DNER: variants seen among roughly 807,000 people sequenced by gnomAD.
DNER encodes delta/notch like EGF repeat containing, also known as delta and Notch-like epidermal growth factor-related receptor.
Under a neutral mutation model 78.2 loss-of-function variants are expected in DNER, and 33 were observed. The observed-to-expected ratio is 0.42, with a 90% CI of 0.32 to 0.56. The LOEUF (loss-of-function observed/expected upper bound fraction) is 0.56, where lower values mean the gene tolerates loss of function less well. Ranked by LOEUF, DNER falls within the 20% of genes least tolerant of loss-of-function variation. The pLI is 0.11. For missense variants in DNER, 918 were observed against 975.3 expected (o/e 0.94, Z 0.78); for synonymous variants, 417 against 384.8 (o/e 1.08, Z -0.98).
chr2:229,480,433 CAT>C, intron 6 of DNER, among the ~76,000 whole-genome samples: 1 of 152,200 alleles, frequency 6.6e-6, no homozygotes, highest in Non-Finnish European at 1.5e-5. Flanking sequence ...CACTTTAAAA[CAT>C]ATTTATTTAT....
At chr2:229,620,051 C>T (rs963557822) in intron 1 of DNER, among the ~76,000 whole-genome samples, 1 of 151,838 alleles carries the variant, frequency 6.6e-6, no homozygotes, top group Non-Finnish European at 1.5e-5. Flanking sequence ...TTTCTTCGCA[C>T]TTGAGAAAGC....
intron 1 of DNER, among the ~76,000 whole-genome samples, chr2:229,697,756 G>T (rs1699683797): frequency 6.6e-6 from 1 of 152,222 alleles, no homozygotes. Context: ...TACACCAGGA[G>T]ACAAGCAGCC....
chr2:229,652,531 A>G (rs1213367464), intron 1 of DNER, among the ~76,000 whole-genome samples: 3 of 152,226 alleles, frequency 2.0e-5, no homozygotes, highest in Non-Finnish European at 4.4e-5. Flanking sequence ...GAGAGGTGGA[A>G]GAAAAGAAGA....
chr2:229,484,771 GAACACCA>G (rs1695235703), intron 6 of DNER, among the ~76,000 whole-genome samples: 1 of 152,164 alleles, frequency 6.6e-6, no homozygotes, highest in African/African-American at 2.4e-5. Flanking sequence ...AAAATGTCCT[GAACACCA>G]AGGTTGAGAA....
intron 5 of DNER, among the ~76,000 whole-genome samples, chr2:229,542,980 A>T (rs1240948751): frequency 2.0e-5 from 3 of 152,094 alleles, no homozygotes; most frequent in Non-Finnish European, 4.4e-5. Context: ...TTATTGCCAC[A>T]GTTTCCTTAA....
chr2:229,654,428 A>G (rs1048398412), intron 1 of DNER, among the ~76,000 whole-genome samples: 5 of 152,188 alleles, frequency 3.3e-5, no homozygotes, highest in African/African-American at 1.2e-4. Flanking sequence ...TCTTAAATCC[A>G]TATTTTAGGG....
At chr2:229,523,943 G>T (rs1696151934) in intron 5 of DNER, among the ~76,000 whole-genome samples, 1 of 152,202 alleles carries the variant, frequency 6.6e-6, no homozygotes, top group African/African-American at 2.4e-5. Flanking sequence ...TCTTCACTGT[G>T]AATATTTATC....
At chr2:229,364,976 G>T (rs541143295) in intron 12 of DNER, among the ~76,000 whole-genome samples, 14 of 150,866 alleles carry the variant, frequency 9.3e-5, no homozygotes, top group Non-Finnish European at 2.1e-4. Context: ...TCAGCCTCCA[G>T]AGTAGCTGGG....
At chr2:229,545,741 C>T (rs929237507) in intron 5 of DNER, among the ~76,000 whole-genome samples, 3 of 152,198 alleles carry the variant, frequency 2.0e-5, no homozygotes, top group Non-Finnish European at 4.4e-5. Flanking sequence ...GCCACATCTG[C>T]TGAAGAAAAA....
At chr2:229,604,618 C>T (rs946214170) in intron 1 of DNER, among the ~76,000 whole-genome samples, 4 of 152,154 alleles carry the variant, frequency 2.6e-5, no homozygotes, top group Admixed American at 6.5e-5. Context: ...TGCCTGGCTT[C>T]TTGACTGCTT....
At chr2:229,481,552 C>T (rs1167145633) in intron 6 of DNER, among the ~76,000 whole-genome samples, 1 of 148,824 alleles carries the variant, frequency 6.7e-6, no homozygotes, top group African/African-American at 2.4e-5. Flanking sequence ...CTAAGATCTA[C>T]ACAAATCTCA....
intron 1 of DNER, among the ~76,000 whole-genome samples, chr2:229,616,166 T>C (rs535651068): frequency 6.6e-6 from 1 of 152,352 alleles, no homozygotes; most frequent in African/African-American, 2.4e-5. Flanking sequence ...GTGACCATGC[T>C]CATGAAGTTT....
intron 11 of DNER, among the ~76,000 whole-genome samples, chr2:229,369,277 T>TTA (rs1553601688): frequency 2.7e-4 from 41 of 150,652 alleles, no homozygotes; most frequent in African/African-American, 9.5e-4. Flanking sequence ...TCTAAAAAGT[T>TTA]AAAAAAAAGT....
intron 6 of DNER, among the ~76,000 whole-genome samples, chr2:229,507,974 A>G (rs1352851884): frequency 6.6e-6 from 1 of 152,240 alleles, no homozygotes; most frequent in Non-Finnish European, 1.5e-5. Flanking sequence ...TACAATTTGT[A>G]TAACAAATTA....
intron 10 of DNER, among the ~76,000 whole-genome samples, chr2:229,393,857 C>G (rs1163812790): frequency 7.6e-6 from 1 of 131,008 alleles, no homozygotes; most frequent in Admixed American, 7.9e-5. Context: ...AAAACAAAAA[C>G]AAAAACAAAA....
intron 5 of DNER, among the ~76,000 whole-genome samples, chr2:229,524,694 T>C (rs1374499138): frequency 6.6e-6 from 1 of 152,154 alleles, no homozygotes; most frequent in Non-Finnish European, 1.5e-5. Context: ...ATCTTGGAGA[T>C]AGGGAAGAAT....
At chr2:229,370,760 CTA>C (rs990703665) in intron 11 of DNER, among the ~76,000 whole-genome samples, 5 of 152,212 alleles carry the variant, frequency 3.3e-5, no homozygotes, top group African/African-American at 9.6e-5. Flanking sequence ...GCAGCCAGTA[CTA>C]TGTTTCTCCT....
At chr2:229,359,060 G>A (rs972891049) in intron 12 of DNER, among the ~76,000 whole-genome samples, 2 of 152,104 alleles carry the variant, frequency 1.3e-5, no homozygotes, top group East Asian at 1.9e-4. Flanking sequence ...AGTCTTCCCC[G>A]GGCCATGGAC....
At chr2:229,618,476 C>T (rs1698202735) in intron 1 of DNER, among the ~76,000 whole-genome samples, 1 of 152,184 alleles carries the variant, frequency 6.6e-6, no homozygotes, top group Non-Finnish European at 1.5e-5. Context: ...AACTCAAACT[C>T]ATGTCTTCAT....
Sources: gnomAD v4.1 joint callset for allele counts (sites outside exome capture counted in the v4.1 genomes callset) on GRCh38, gnomAD v4.1.1 for gene constraint, MANE v1.5 for transcripts, NCBI Gene and HGNC (gene_info 2026-07-23, HGNC 2026-07-21) for gene names.